SLC35F3: variants seen among roughly 807,000 people sequenced by gnomAD.
SLC35F3 encodes solute carrier family 35 member F3, also known as putative thiamine transporter SLC35F3.
SLC35F3 carries 25 observed loss-of-function variants against 49.9 expected under a neutral mutation model. The ratio of observed to expected loss-of-function variants is 0.50; its 90% CI spans 0.37 to 0.70. The LOEUF is 0.70. Among genes scored for constraint, SLC35F3 ranks in the 30% least tolerant of loss-of-function variants. The pLI is 0.00. For missense variants in SLC35F3, 525 were observed against 639.8 expected, an observed-to-expected ratio of 0.82 and a Z score of 1.94; for synonymous variants, 275 against 265.4, an observed-to-expected ratio of 1.04 and a Z score of -0.35.
In SLC35F3 at chr1:234,231,523, G is replaced by GC; in HGVS notation, c.391dup (p.Gln131ProfsTer164). ...GCCGCTGCTGGACGTGCTCCCGGGC[G>GC]CAACTCAAGAAGATCTTCTGGGGCG... On this transcript the variant is annotated frameshift_variant, in exon 3 of 8. Coordinates refer to ENST00000366618, the MANE Select transcript of SLC35F3 (RefSeq NM_173508.4). LOFTEE classifies it high-confidence loss of function. This position sits in a 1 kb window ranked among gnomAD's most constrained non-coding sequence, Gnocchi z 5.4. The GC allele has an allele frequency of 6.2e-7, 1 of 1,613,952 alleles. No individual in the cohort carries two copies.
chr1:234,197,719 T>A (rs1558257299), intron 2 of SLC35F3, among the ~76,000 whole-genome samples: 1 of 152,210 alleles, frequency 6.6e-6, no homozygotes, highest in Non-Finnish European at 1.5e-5. Context: ...CACGGAGGGC[T>A]GCAGTCCTTG....
chr1:234,230,573 A>G (rs559963592), intron 2 of SLC35F3, among the ~76,000 whole-genome samples: 1 of 152,230 alleles, frequency 6.6e-6, no homozygotes, highest in Non-Finnish European at 1.5e-5. Flanking sequence ...TGACACGCAC[A>G]CAATCATGAA....
intron 2 of SLC35F3, among the ~76,000 whole-genome samples, chr1:234,061,314 G>A (rs1664535552): frequency 6.6e-6 from 1 of 151,870 alleles, no homozygotes; most frequent in Non-Finnish European, 1.5e-5. Context: ...TGTTTCTATT[G>A]AGAAGTCAGC....
chr1:234,023,441 T>C (rs1663930113), intron 2 of SLC35F3, among the ~76,000 whole-genome samples: 1 of 152,088 alleles, frequency 6.6e-6, no homozygotes, highest in Non-Finnish European at 1.5e-5. Context: ...AGAGTAGTAT[T>C]TGATTATATG....
At chr1:234,230,748 G>A (rs1667354545) in intron 2 of SLC35F3, among the ~76,000 whole-genome samples, 1 of 152,216 alleles carries the variant, frequency 6.6e-6, no homozygotes, top group Non-Finnish European at 1.5e-5. Context: ...CAGAGGTTGT[G>A]GTTTTTAAGT....
At chr1:234,182,971 T>C (rs1377966270) in intron 2 of SLC35F3, among the ~76,000 whole-genome samples, 1 of 143,914 alleles carries the variant, frequency 6.9e-6, no homozygotes, top group Non-Finnish European at 1.5e-5. Context: ...TGAGTTATAA[T>C]TTACATTTTT....
At chr1:233,994,507 A>T (rs1319126593) in intron 2 of SLC35F3, among the ~76,000 whole-genome samples, 1 of 152,196 alleles carries the variant, frequency 6.6e-6, no homozygotes, top group Non-Finnish European at 1.5e-5. Flanking sequence ...CCTGTTTTCT[A>T]AATGCTGGAT....
At chr1:233,970,446 A>G (rs10910321) in intron 2 of SLC35F3, among the ~76,000 whole-genome samples, 46,465 of 152,006 alleles carry the variant, frequency 0.31, 7,339 homozygotes, top group East Asian at 0.54. Context: ...TTAAGATTTG[A>G]GGGCTTTTGA....
At chr1:234,172,676 T>C (rs1484375576) in intron 2 of SLC35F3, among the ~76,000 whole-genome samples, 1 of 152,256 alleles carries the variant, frequency 6.6e-6, no homozygotes, top group Non-Finnish European at 1.5e-5. Flanking sequence ...CTAGGCTATA[T>C]GCTATTTCCT....
chr1:234,102,555 A>G (rs1349971611), intron 2 of SLC35F3, among the ~76,000 whole-genome samples: 3 of 152,206 alleles, frequency 2.0e-5, no homozygotes, highest in Non-Finnish European at 4.4e-5. Flanking sequence ...GTAGAGGGGA[A>G]GAGATGAATG....
At position 234,214,746 on chromosome 1, in the gene SLC35F3, A is replaced by T; in HGVS notation, c.284-16671A>T. 1 of 891,624 alleles carries T rather than the reference A, an allele frequency of 1.1e-6. No homozygotes were observed. Among genetic ancestry groups the T allele is most frequent in the Non-Finnish European group, 1.6e-6 (1 of 636,430 alleles). The allele number at this position is 891,624 out of a possible 1,614,324, so 55.2% of individuals were successfully genotyped here. A position where few individuals can be genotyped will look rare whatever the true frequency, so the allele number is the denominator to read the frequency against. ...CTGCGTGGGGGGATCTGGCAGCTTC[A>T]GGGGCTGCCCTGAGCTCCCTGGCGA... On this transcript the variant is annotated intron_variant, in intron 2 of 7. Coordinates refer to ENST00000366618, the MANE Select transcript of SLC35F3 (RefSeq NM_173508.4). The surrounding 1 kb of genome is among the most constrained non-coding windows in gnomAD (Gnocchi z 8.0).
At chr1:234,199,287 GAC>G (rs1449023771) in intron 2 of SLC35F3, among the ~76,000 whole-genome samples, 5 of 152,078 alleles carry the variant, frequency 3.3e-5, no homozygotes, top group African/African-American at 1.2e-4. Context: ...CATGACGACA[GAC>G]ACATCAACCA....
At position 233,959,748 on chromosome 1, in the gene SLC35F3, ATTTC is replaced by A. The variant is rs138714354; in HGVS notation, c.283+53994_283+53997del. Among the ~76,000 whole-genome samples the A allele has an allele frequency of 7.9e-3, 1,197 of 152,246 alleles. 11 individuals are homozygous for A. Among genetic ancestry groups the A allele is most frequent in the African/African-American group, 0.027 (1,112 of 41,558 alleles). On this transcript the variant is annotated intron_variant, in intron 2 of 7. Coordinates refer to ENST00000366618, the MANE Select transcript of SLC35F3 (RefSeq NM_173508.4). ...AAGAAGGTTAAGTGCCTTGGCCAGGATTTCTTTGTTGGTGGCAGAGTGGGGATTA... is the reference window on the plus strand; with the variant it reads ...AAGAAGGTTAAGTGCCTTGGCCAGGATTTGTTGGTGGCAGAGTGGGGATTA...
chr1:234,303,631 A>C (rs976514175), intron 3 of SLC35F3, among the ~76,000 whole-genome samples: 1 of 152,222 alleles, frequency 6.6e-6, no homozygotes, highest in African/African-American at 2.4e-5. Context: ...TCTGGCTGGA[A>C]AAAAAATTTT....
At chr1:234,266,554 G>A (rs1177376020) in intron 3 of SLC35F3, among the ~76,000 whole-genome samples, 1 of 152,158 alleles carries the variant, frequency 6.6e-6, no homozygotes, top group Admixed American at 6.5e-5. Context: ...TAACATTGGG[G>A]ATACATTCTG....
intron 2 of SLC35F3, among the ~76,000 whole-genome samples, chr1:234,227,699 G>T (rs1051391524): frequency 3.9e-5 from 6 of 152,144 alleles, no homozygotes; most frequent in African/African-American, 1.4e-4. Flanking sequence ...TGCCCGGCCG[G>T]CACTGCCTCT....
At chr1:234,199,643 G>T (rs1666871818) in intron 2 of SLC35F3, among the ~76,000 whole-genome samples, 1 of 152,128 alleles carries the variant, frequency 6.6e-6, no homozygotes, top group Non-Finnish European at 1.5e-5. Context: ...AGTCATATGG[G>T]ATTACATCAA....
chr1:234,154,857 A>G (rs1402723181), intron 2 of SLC35F3, among the ~76,000 whole-genome samples: 1 of 152,168 alleles, frequency 6.6e-6, no homozygotes, highest in Non-Finnish European at 1.5e-5. Flanking sequence ...ATGTAATGAC[A>G]AAAGAAATCC....
intron 2 of SLC35F3, among the ~76,000 whole-genome samples, chr1:234,057,927 G>A (rs1055076435): frequency 1.3e-5 from 2 of 151,952 alleles, no homozygotes; most frequent in Non-Finnish European, 2.9e-5. Flanking sequence ...GGCTGGTCTC[G>A]AACTCCTGAC....
Sources: gnomAD v4.1 joint callset for allele counts (sites outside exome capture counted in the v4.1 genomes callset) on GRCh38, gnomAD v4.1.1 for gene constraint, Gnocchi (gnomAD v3.1) non-coding constraint, MANE v1.5 for transcripts, NCBI Gene and HGNC (gene_info 2026-07-23, HGNC 2026-07-21) for gene names.